PCDH15: variants seen among roughly 807,000 people sequenced by gnomAD.
PCDH15 encodes protocadherin related 15, also known as protocadherin-15.
PCDH15 carries 129 observed loss-of-function variants against 178.5 expected under a neutral mutation model. The ratio of observed to expected loss-of-function variants is 0.72; its 90% CI spans 0.63 to 0.84. The LOEUF (loss-of-function observed/expected upper bound fraction) is 0.84. PCDH15 is among the 40% of genes least tolerant of loss of function. The pLI, the probability that PCDH15 is intolerant of heterozygous loss-of-function variation, is 0.00. For synonymous variants in PCDH15, 800 were observed against 732.0 expected (o/e 1.09, Z -1.50); for missense variants, 2,230 against 2,099.9 (o/e 1.06, Z -1.21).
intron 2 of PCDH15, among the ~76,000 whole-genome samples, chr10:55,458,718 C>T (rs372169538): frequency 1.3e-4 from 19 of 151,854 alleles, no homozygotes; most frequent in East Asian, 1.2e-3. Flanking sequence ...CAAGAAGTAA[C>T]CAATAGGTAA....
chr10:55,402,358 T>C (rs1251048825), intron 2 of PCDH15, among the ~76,000 whole-genome samples: 1 of 152,076 alleles, frequency 6.6e-6, no homozygotes, highest in Non-Finnish European at 1.5e-5. Flanking sequence ...TTATCATTTA[T>C]TCATATTAAG....
intron 18 of PCDH15, among the ~76,000 whole-genome samples, chr10:54,035,470 T>C (rs1277341642): frequency 6.6e-6 from 1 of 151,934 alleles, no homozygotes; most frequent in Non-Finnish European, 1.5e-5. Context: ...GTTACTATTG[T>C]GGTTGTGTTG....
intron 2 of PCDH15, chr10:55,512,921 C>CA (rs1460110496): frequency 6.6e-6 from 1 of 152,062 alleles, no homozygotes; most frequent in African/African-American, 2.4e-5. Context: ...AATAAATCTT[C>CA]AAGGATTTTC....
At chr10:55,368,582 A>G (rs934508937) in intron 2 of PCDH15, among the ~76,000 whole-genome samples, 4 of 152,160 alleles carry the variant, frequency 2.6e-5, no homozygotes, top group Non-Finnish European at 5.9e-5. Context: ...ACACAGTCTG[A>G]AATCTTAGAG....
At chr10:54,660,486 CA>C (rs1389995098) in intron 2 of PCDH15, among the ~76,000 whole-genome samples, 3 of 151,780 alleles carry the variant, frequency 2.0e-5, no homozygotes, top group South Asian at 2.1e-4. Context: ...ATCCATTTTC[CA>C]AAAAAAGCCA....
intron 3 of PCDH15, among the ~76,000 whole-genome samples, chr10:54,873,119 G>A (rs1293109973): frequency 6.6e-6 from 1 of 152,098 alleles, no homozygotes; most frequent in Admixed American, 6.6e-5. Flanking sequence ...CCTTTTTGGT[G>A]TTATAAGTGC....
intron 2 of PCDH15, among the ~76,000 whole-genome samples, chr10:55,131,733 G>A (rs1838050879): frequency 9.0e-6 from 1 of 111,260 alleles, no homozygotes; most frequent in Non-Finnish European, 2.1e-5. Context: ...CTGCAGGCAG[G>A]TCATTCCATC....
intron 8 of PCDH15, among the ~76,000 whole-genome samples, chr10:54,241,475 C>A (rs895254988): frequency 1.6e-4 from 24 of 152,166 alleles, no homozygotes; most frequent in African/African-American, 5.5e-4. Flanking sequence ...TTTGTACTTA[C>A]AACCCTCAGC....
chr10:53,931,489 T>A (rs1388476471), intron 25 of PCDH15, among the ~76,000 whole-genome samples: 1 of 152,162 alleles, frequency 6.6e-6, no homozygotes, highest in East Asian at 1.9e-4. Context: ...GATACATCAA[T>A]AAACAAAACA....
chr10:54,218,741 A>T (rs2052389122), intron 9 of PCDH15, among the ~76,000 whole-genome samples: 1 of 152,226 alleles, frequency 6.6e-6, no homozygotes, highest in African/African-American at 2.4e-5. Context: ...CCTATGAAAC[A>T]GTTTTGAGAA....
intron 3 of PCDH15, among the ~76,000 whole-genome samples, chr10:54,834,626 C>A (rs554277773): frequency 6.6e-6 from 1 of 152,002 alleles, no homozygotes; most frequent in South Asian, 2.1e-4. Context: ...AAAAATAATT[C>A]TCTCTATTAG....
chr10:54,988,061 A>T (rs1357070714), intron 2 of PCDH15, among the ~76,000 whole-genome samples: 1 of 152,128 alleles, frequency 6.6e-6, no homozygotes, highest in Non-Finnish European at 1.5e-5. Context: ...GAAGGGGTCC[A>T]GTTTCAGTTT....
chr10:54,651,974 C>CAA (rs11358827), intron 2 of PCDH15, among the ~76,000 whole-genome samples: 42 of 134,786 alleles, frequency 3.1e-4, no homozygotes, highest in African/African-American at 1.0e-3. Context: ...ATTTCAATGA[C>CAA]AAAAAAAAAA....
At chr10:53,937,875 C>T (rs1423091534) in intron 25 of PCDH15, among the ~76,000 whole-genome samples, 1 of 151,994 alleles carries the variant, frequency 6.6e-6, no homozygotes, top group African/African-American at 2.4e-5. Flanking sequence ...TGCTGAAATG[C>T]CTTGAAATGA....
intron 1 of PCDH15, among the ~76,000 whole-genome samples, chr10:55,209,472 G>A (rs1416127145): frequency 1.3e-5 from 2 of 151,988 alleles, no homozygotes; most frequent in Non-Finnish European, 2.9e-5. Context: ...GGTAAAGGAC[G>A]ATGTGAGCAC....
intron 3 of PCDH15, among the ~76,000 whole-genome samples, chr10:54,854,219 C>T (rs1421401276): frequency 6.6e-6 from 1 of 152,152 alleles, no homozygotes; most frequent in Admixed American, 6.6e-5. Flanking sequence ...AACATGGTTG[C>T]TCCTGGAAGC....
chr10:54,879,679 T>C (rs1954224461), intron 3 of PCDH15, among the ~76,000 whole-genome samples: 1 of 151,114 alleles, frequency 6.6e-6, no homozygotes, highest in Non-Finnish European at 1.5e-5. Flanking sequence ...ATTTAATGTA[T>C]ATTAAATATA....
At chr10:55,219,163 T>C (rs1252360770) in intron 1 of PCDH15, among the ~76,000 whole-genome samples, 1 of 151,976 alleles carries the variant, frequency 6.6e-6, no homozygotes, top group African/African-American at 2.4e-5. Context: ...TTTCACCCTG[T>C]CAGATATATC....
intron 28 of PCDH15, among the ~76,000 whole-genome samples, chr10:53,846,019 T>C (rs1006343105): frequency 3.8e-5 from 4 of 104,664 alleles, no homozygotes; most frequent in African/African-American, 1.5e-4. Context: ...ATAGTGTATG[T>C]GTATACACAC....
Sources: gnomAD v4.1 joint callset for allele counts (sites outside exome capture counted in the v4.1 genomes callset) on GRCh38, gnomAD v4.1.1 for gene constraint, MANE v1.5 for transcripts, NCBI Gene and HGNC (gene_info 2026-07-23, HGNC 2026-07-21) for gene names.